Variants in ULK4 observed in about 807,000 individuals in gnomAD.
ULK4 encodes the protein inactive serine/threonine-protein kinase ULK4.
In ULK4, 133 loss-of-function variants were observed where a neutral mutation model predicts 160.6. The ratio of observed to expected loss-of-function variants is 0.83; its 90% CI spans 0.72 to 0.96. The LOEUF (loss-of-function observed/expected upper bound fraction) is 0.96. Among genes scored for constraint, ULK4 ranks in the 40% least tolerant of loss-of-function variants. The pLI is 0.00. For missense variants in ULK4, 1,580 were observed against 1,499.5 expected (o/e 1.05, Z -0.89); for synonymous variants, 534 against 539.8 (o/e 0.99, Z 0.15).
chr3:41,734,063 C>T (rs186225409), intron 22 of ULK4, among the ~76,000 whole-genome samples: 165 of 152,088 alleles, frequency 1.1e-3, no homozygotes, highest in African/African-American at 3.9e-3. Flanking sequence ...ATTGTTCCAG[C>T]TTTTGTGTGG....
chr3:41,933,890 A>G (rs1425811819), intron 4 of ULK4, among the ~76,000 whole-genome samples: 1 of 152,038 alleles, frequency 6.6e-6, no homozygotes, highest in Non-Finnish European at 1.5e-5. Context: ...TCTCTACTAA[A>G]AATACAAAAA....
At chr3:41,358,652 G>A (rs962967257) in intron 35 of ULK4, among the ~76,000 whole-genome samples, 61 of 152,286 alleles carry the variant, frequency 4.0e-4, no homozygotes, top group African/African-American at 1.4e-3. Context: ...AAAACAGCAA[G>A]TGCATCACGA....
At chr3:41,352,741 G>A (rs1414936791) in intron 35 of ULK4, among the ~76,000 whole-genome samples, 1 of 152,098 alleles carries the variant, frequency 6.6e-6, no homozygotes, top group East Asian at 1.9e-4. Context: ...CTTGGACTAC[G>A]TTCCCAGCCT....
At chr3:41,803,602 A>C (rs2040537307) in intron 19 of ULK4, among the ~76,000 whole-genome samples, 1 of 152,120 alleles carries the variant, frequency 6.6e-6, no homozygotes, top group East Asian at 1.9e-4. Flanking sequence ...GTCATTTAAC[A>C]TTAGGTATAT....
intron 35 of ULK4, among the ~76,000 whole-genome samples, chr3:41,375,175 G>A (rs2081457762): frequency 6.6e-6 from 1 of 152,124 alleles, no homozygotes; most frequent in African/African-American, 2.4e-5. Flanking sequence ...TCATGGATAA[G>A]AAAAATCAGT....
intron 30 of ULK4, among the ~76,000 whole-genome samples, chr3:41,629,147 T>C (rs892865446): frequency 6.6e-6 from 1 of 152,164 alleles, no homozygotes; most frequent in Non-Finnish European, 1.5e-5. Context: ...AGTTCATGGA[T>C]TCTGTGGGTC....
intron 35 of ULK4, among the ~76,000 whole-genome samples, chr3:41,325,398 A>T (rs971585168): frequency 2.0e-5 from 3 of 152,214 alleles, no homozygotes; most frequent in Non-Finnish European, 2.9e-5. Flanking sequence ...TAAAAGAAAG[A>T]TCAGAATTGA....
intron 32 of ULK4, among the ~76,000 whole-genome samples, chr3:41,501,219 C>T (rs943112412): frequency 2.6e-5 from 4 of 152,058 alleles, no homozygotes; most frequent in South Asian, 4.2e-4. Context: ...TTTGGCTGGG[C>T]GCGGTGGCTC....
intron 35 of ULK4, among the ~76,000 whole-genome samples, chr3:41,251,717 A>G (rs557638802): frequency 6.6e-6 from 1 of 152,332 alleles, no homozygotes; most frequent in East Asian, 1.9e-4. Context: ...CAGAGGTGGC[A>G]GCAACAATAG....
intron 35 of ULK4, among the ~76,000 whole-genome samples, chr3:41,393,333 A>G (rs2081993550): frequency 6.6e-6 from 1 of 152,142 alleles, no homozygotes; most frequent in African/African-American, 2.4e-5. Flanking sequence ...AATTCCATCA[A>G]CAATGTCTAA....
At chr3:41,599,688 C>T (rs2031938246) in intron 31 of ULK4, among the ~76,000 whole-genome samples, 1 of 151,750 alleles carries the variant, frequency 6.6e-6, no homozygotes, top group South Asian at 2.1e-4. Flanking sequence ...CCCCAGCCTC[C>T]TGAATAGCTG....
intron 19 of ULK4, among the ~76,000 whole-genome samples, chr3:41,805,144 C>G (rs1278428696): frequency 6.6e-6 from 1 of 152,140 alleles, no homozygotes; most frequent in African/African-American, 2.4e-5. Flanking sequence ...TTGTTTGTAT[C>G]CTCTTTAATT....
intron 35 of ULK4, among the ~76,000 whole-genome samples, chr3:41,325,921 A>G: frequency 6.6e-6 from 1 of 151,964 alleles, no homozygotes; most frequent in African/African-American, 2.4e-5. Flanking sequence ...TCCATCTCAA[A>G]ATAAATAAAT....
At chr3:41,267,117 G>A (rs371065413) in intron 35 of ULK4, among the ~76,000 whole-genome samples, 1 of 150,880 alleles carries the variant, frequency 6.6e-6, no homozygotes, top group Admixed American at 6.6e-5. Context: ...CGTGTGCCAC[G>A]GTGGTCTGAT....
intron 2 of ULK4, among the ~76,000 whole-genome samples, chr3:41,946,813 T>C (rs1700126145): frequency 6.6e-6 from 1 of 152,124 alleles, no homozygotes; most frequent in Non-Finnish European, 1.5e-5. Context: ...GAGGGTGGCA[T>C]TTGTTCTGGA....
intron 32 of ULK4, among the ~76,000 whole-genome samples, chr3:41,474,380 C>T (rs1363120148): frequency 6.6e-6 from 1 of 152,076 alleles, no homozygotes; most frequent in Non-Finnish European, 1.5e-5. Flanking sequence ...AAGACTCAGA[C>T]ATAAGACCTG....
chr3:41,827,483 C>T (rs571916023), intron 18 of ULK4, among the ~76,000 whole-genome samples: 69 of 152,194 alleles, frequency 4.5e-4, no homozygotes, highest in African/African-American at 1.7e-3. Context: ...ACCGATCCCA[C>T]AGAAATACAA....
Position 41,246,686 on chromosome 3 carries a change from G to C in ULK4, c.*243C>G, listed in dbSNP as rs1185105049. 8.0e-6 allele frequency: 4 copies of C among 500,044 alleles called. No individual in the cohort carries two copies. Among genetic ancestry groups the C allele is most frequent in the Non-Finnish European group, 1.4e-5 (4 of 277,562 alleles). The allele number at this position is 500,044 out of a possible 1,614,324, so 31.0% of individuals were successfully genotyped here. A position where few individuals can be genotyped will look rare whatever the true frequency, so the allele number is the denominator to read the frequency against. Reference sequence around the variant, plus strand: ...ACAGAGAGGGAAAGAACATTTCTGAGAACAGCTAACAAACCTGGGCTTCCC... The same window carrying C: ...ACAGAGAGGGAAAGAACATTTCTGACAACAGCTAACAAACCTGGGCTTCCC... On this transcript the variant is annotated 3_prime_UTR_variant, in exon 37 of 37. Coordinates refer to ENST00000301831, the MANE Select transcript of ULK4 (RefSeq NM_017886.4).
At chr3:41,705,855 C>G (rs1479775032) in intron 25 of ULK4, among the ~76,000 whole-genome samples, 1 of 152,138 alleles carries the variant, frequency 6.6e-6, no homozygotes, top group Non-Finnish European at 1.5e-5. Flanking sequence ...AATAATATAA[C>G]TGATACATAA....
Sources: allele counts gnomAD v4.1 joint callset (sites outside exome capture counted in the v4.1 genomes callset), GRCh38; gene constraint gnomAD v4.1.1; transcripts MANE v1.5; gene names NCBI Gene and HGNC (gene_info 2026-07-23, HGNC 2026-07-21).